LRTM3: variants seen among roughly 807,000 people sequenced by gnomAD.
LRTM3 encodes leucine rich repeat transmembrane protein 3.
the LRTM3 span, among the ~76,000 whole-genome samples, chr13:102,755,661 C>T: frequency 3.3e-5 from 5 of 150,982 alleles, no homozygotes; most frequent in Admixed American, 6.6e-5. Context: ...GGATGGGGGA[C>T]GAGGGGAGGA....
the LRTM3 span, chr13:102,732,362 G>A: frequency 0.025 from 38,391 of 1,551,098 alleles, 685 homozygotes; most frequent in South Asian, 0.057. Context: ...ACCACGCCCC[G>A]TGATATTAAG....
At chr13:102,733,580 GT>G in the LRTM3 span, 3 of 1,551,190 alleles carry the variant, frequency 1.9e-6, no homozygotes, top group Non-Finnish European at 2.6e-6. Context: ...TCCCATTTTA[GT>G]TGCATCCATT....
the LRTM3 span, chr13:102,741,849 C>T: frequency 7.7e-6 from 12 of 1,550,102 alleles, no homozygotes; most frequent in East Asian, 9.8e-5. Flanking sequence ...CGTGGGGCAT[C>T]GAAACTACTG....
the LRTM3 span, chr13:102,746,558 A>T: frequency 7.9e-5 from 122 of 1,550,886 alleles, no homozygotes; most frequent in Non-Finnish European, 1.0e-4. Context: ...TGTGACACTG[A>T]CTGTCTCTGA....
chr13:102,736,124 G>A, the LRTM3 span: 19 of 1,541,220 alleles, frequency 1.2e-5, no homozygotes, highest in Non-Finnish European at 1.7e-5. Context: ...ATTTGAATTT[G>A]CAAGTCTGCT....
the LRTM3 span, chr13:102,746,506 A>G: frequency 6.4e-7 from 1 of 1,551,096 alleles, no homozygotes; most frequent in South Asian, 1.2e-5. Context: ...TTATCTTTTT[A>G]AACTTAGTCT....
At chr13:102,739,046 G>A in the LRTM3 span, 1 of 1,550,278 alleles carries the variant, frequency 6.5e-7, no homozygotes, top group African/African-American at 1.4e-5. Context: ...TGTTGATGAT[G>A]AAAGACAGAA....
the LRTM3 span, chr13:102,737,466 C>T: frequency 1.9e-6 from 3 of 1,550,646 alleles, no homozygotes; most frequent in Non-Finnish European, 2.6e-6. Context: ...GTGCCTACTC[C>T]ATCTGCTTGC....
chr13:102,756,309 T>C, the LRTM3 span, among the ~76,000 whole-genome samples: 1 of 85,708 alleles, frequency 1.2e-5, no homozygotes, highest in East Asian at 2.8e-4. Flanking sequence ...AATCCTTAGT[T>C]CGAAAAAAAA....
chr13:102,749,755 T>C, the LRTM3 span: 2 of 1,551,366 alleles, frequency 1.3e-6, no homozygotes, highest in Non-Finnish European at 1.7e-6. Context: ...GACTAGTAAA[T>C]TGGACTTCAT....
At chr13:102,744,556 A>T in the LRTM3 span, 1 of 1,550,544 alleles carries the variant, frequency 6.4e-7, no homozygotes, top group Non-Finnish European at 8.7e-7. Context: ...CAGTTTCTCT[A>T]AAGTGTGTTT....
At chr13:102,741,504 A>T in the LRTM3 span, 13 of 1,549,360 alleles carry the variant, frequency 8.4e-6, no homozygotes, top group Admixed American at 2.6e-4. Context: ...AATACATGTG[A>T]ACTAATTTTT....
chr13:102,729,447 A>G, the LRTM3 span: 1 of 1,450,298 alleles, frequency 6.9e-7, no homozygotes, highest in Admixed American at 2.9e-5. Flanking sequence ...TAGCTATGGT[A>G]ATGTCAGCTA....
chr13:102,742,408 C>G, the LRTM3 span: 1 of 1,546,866 alleles, frequency 6.5e-7, no homozygotes, highest in Non-Finnish European at 8.7e-7. Context: ...CTGAGACACA[C>G]AGCTCTTGCT....
At chr13:102,739,902 G>T in the LRTM3 span, 6 of 1,550,098 alleles carry the variant, frequency 3.9e-6, no homozygotes, top group Non-Finnish European at 4.4e-6. Context: ...TGCATTTCTA[G>T]TCTGTTACTT....
the LRTM3 span, chr13:102,737,031 G>A: frequency 6.4e-7 from 1 of 1,551,016 alleles, no homozygotes; most frequent in Non-Finnish European, 8.7e-7. Context: ...TCCTGTACAT[G>A]TCTCAATTTT....
the LRTM3 span, chr13:102,730,591 A>T: frequency 6.4e-7 from 1 of 1,551,784 alleles, no homozygotes. Context: ...GATCACGGTC[A>T]GAAGCACACA....
the LRTM3 span, chr13:102,730,486 T>A: frequency 6.4e-7 from 1 of 1,551,580 alleles, no homozygotes; most frequent in East Asian, 2.4e-5. Flanking sequence ...TATTTCTTTC[T>A]TGAAACCATA....
the LRTM3 span, chr13:102,739,450 A>G: frequency 6.4e-7 from 1 of 1,550,590 alleles, no homozygotes; most frequent in East Asian, 2.4e-5. Flanking sequence ...AGCCCTTTAG[A>G]GTTCCTGACT....
Sources: gnomAD v4.1 joint callset for allele counts (sites outside exome capture counted in the v4.1 genomes callset) on GRCh38, gnomAD v4.1.1 for gene constraint, MANE v1.5 for transcripts, NCBI Gene and HGNC (gene_info 2026-07-23, HGNC 2026-07-21) for gene names.